CNTLN: variants seen among roughly 807,000 people sequenced by gnomAD.
The protein encoded by CNTLN is centlein.
Under a neutral mutation model 180.0 loss-of-function variants are expected in CNTLN, and 212 were observed. The observed-to-expected ratio is 1.18, with a 90% confidence interval of 1.05 to 1.32. CNTLN has a LOEUF of 1.32. CNTLN is among the 40% of genes most tolerant of loss of function. The probability of loss-of-function intolerance (pLI) is 0.00; values close to 1 mark genes in which losing one functional copy is unlikely to be tolerated. For synonymous variants in CNTLN, 722 were observed against 563.1 expected, an observed-to-expected ratio of 1.28 and a Z score of -3.99; for missense variants, 2,095 against 1,610.9, an observed-to-expected ratio of 1.30 and a Z score of -5.14.
In CNTLN at chr9:17,498,595, C is replaced by T. The variant is rs557114358; in HGVS notation, c.4120-3956C>T. 3.3e-5 allele frequency among the ~76,000 whole-genome samples: 5 copies of T among 152,250 alleles called. No homozygotes were observed. In the South Asian group the frequency reaches 6.2e-4, roughly 19 times the overall value. ...AGATATCCCCGTTAAATTTCTATGC[C>T]AAGAAATTTCACTCAGTATGAAATC... On this transcript the variant is annotated intron_variant, in intron 25 of 25. Transcript: ENST00000380647.
At position 17,487,401 on chromosome 9, in the gene CNTLN, G is replaced by C. The variant is rs1006121424; in HGVS notation, c.4119+335G>C. On this transcript the variant is annotated intron_variant, in intron 25 of 25. Transcript: ENST00000380647. ...TCTTTATTATGTGTCTTTAAAGTTAGTATTTGATATGGACACCTGAGGAGT... is the reference window on the plus strand; with the variant it reads ...TCTTTATTATGTGTCTTTAAAGTTACTATTTGATATGGACACCTGAGGAGT... Among the ~76,000 whole-genome samples the C allele has an allele frequency of 6.6e-5, 10 of 152,078 alleles. No homozygotes were observed. In the East Asian group the frequency reaches 1.9e-3, roughly 29 times the overall value.
intron 18 of CNTLN, among the ~76,000 whole-genome samples, chr9:17,439,961 G>T (rs536091922): frequency 2.6e-5 from 4 of 152,142 alleles, no homozygotes; most frequent in Non-Finnish European, 5.9e-5. Context: ...TGCAGTCTAT[G>T]ATAATTTATT....
chr9:17,146,677 C>T (rs1411759841), intron 2 of CNTLN, among the ~76,000 whole-genome samples: 1 of 152,162 alleles, frequency 6.6e-6, no homozygotes, highest in East Asian at 1.9e-4. Context: ...CAATACATTT[C>T]TGTTGTTTAT....
At chr9:17,446,265 C>T (rs921510264) in intron 18 of CNTLN, among the ~76,000 whole-genome samples, 3 of 152,160 alleles carry the variant, frequency 2.0e-5, no homozygotes, top group Non-Finnish European at 4.4e-5. Context: ...TTTTTCTTTC[C>T]TAAGTCTCTC....
chr9:17,414,445 G>T (rs749446794), intron 16 of CNTLN, among the ~76,000 whole-genome samples: 1 of 152,058 alleles, frequency 6.6e-6, no homozygotes, highest in Non-Finnish European at 1.5e-5. Context: ...ACTTCAATTG[G>T]TAGCTGTAGT....
chr9:17,432,803 T>G (rs370033657), intron 18 of CNTLN, among the ~76,000 whole-genome samples: 1 of 152,100 alleles, frequency 6.6e-6, no homozygotes. Flanking sequence ...GCAGATCACC[T>G]GAGGTCATGA....
At chr9:17,527,620 A>G in the CNTLN span, among the ~76,000 whole-genome samples, 2 of 152,080 alleles carry the variant, frequency 1.3e-5, no homozygotes, top group African/African-American at 4.8e-5. Context: ...TGTGGTAAAG[A>G]ATTAGAGTTG....
intron 5 of CNTLN, among the ~76,000 whole-genome samples, chr9:17,252,724 A>T (rs140210352): frequency 6.6e-6 from 1 of 151,556 alleles, no homozygotes; most frequent in African/African-American, 2.4e-5. Flanking sequence ...TGTAGGCTGA[A>T]TTTCAACCTA....
In CNTLN at chr9:17,342,404, G is replaced by A. The variant is rs866700660; in HGVS notation, c.1846G>A (p.Ala616Thr). ...EDSDAVWNEL[A>T]YFKRENQELM... The stretch of plus-strand genomic sequence containing the variant: ...TTCTGACGCTGTGTGGAATGAACTG[G>A]CATATTTCAAAAGGGAAAACCAGGA... The change falls in exon 12 of 26, where the codon GCA becomes ACA. Residue 616 changes from alanine (A) to threonine (T), a missense_variant. By Grantham distance (58) the Ala-to-Thr change is moderately conservative (BLOSUM62 0). Coordinates refer to ENST00000380647, the MANE Select transcript of CNTLN (RefSeq NM_017738.4). 6.2e-7 allele frequency: 1 copy of A among 1,610,540 alleles called. No homozygotes were observed. Among genetic ancestry groups the A allele is most frequent in the Non-Finnish European group, 8.5e-7 (1 of 1,178,722 alleles).
At chr9:17,159,325 G>C (rs914022971) in intron 2 of CNTLN, among the ~76,000 whole-genome samples, 5 of 152,102 alleles carry the variant, frequency 3.3e-5, no homozygotes, top group African/African-American at 9.7e-5. Context: ...TTCCTTTCAA[G>C]CAAAGTCTCT....
At chr9:17,402,308 A>G (rs762064868) in intron 15 of CNTLN, among the ~76,000 whole-genome samples, 1 of 151,864 alleles carries the variant, frequency 6.6e-6, no homozygotes, top group Non-Finnish European at 1.5e-5. Flanking sequence ...AACCCAAAAT[A>G]TGAACAGGTA....
chr9:17,271,778 C>T (rs980727762), intron 5 of CNTLN, among the ~76,000 whole-genome samples: 6 of 152,082 alleles, frequency 3.9e-5, no homozygotes, highest in Non-Finnish European at 8.8e-5. Flanking sequence ...AAATTTGACT[C>T]TTCATCACCT....
intron 14 of CNTLN, among the ~76,000 whole-genome samples, chr9:17,390,281 C>T (rs566653873): frequency 1.6e-5 from 2 of 122,278 alleles, no homozygotes; most frequent in South Asian, 5.6e-4. Flanking sequence ...GCTCTGTCAC[C>T]CAGGCTGGAG....
the CNTLN span, among the ~76,000 whole-genome samples, chr9:17,511,683 C>A: frequency 4.0e-5 from 6 of 151,818 alleles, no homozygotes; most frequent in Non-Finnish European, 5.9e-5. Context: ...CACACGTGCA[C>A]ACCCACACAC....
At chr9:17,413,678 A>T (rs147267136) in intron 16 of CNTLN, among the ~76,000 whole-genome samples, 1 of 152,186 alleles carries the variant, frequency 6.6e-6, no homozygotes, top group Admixed American at 6.5e-5. Context: ...CAACTTCACT[A>T]TTAGGAAACA....
chr9:17,452,828 C>A (rs1830862779), intron 18 of CNTLN, among the ~76,000 whole-genome samples: 1 of 151,966 alleles, frequency 6.6e-6, no homozygotes, highest in Non-Finnish European at 1.5e-5. Context: ...GAAAATAGGC[C>A]AGGGGTGACT....
In CNTLN at chr9:17,240,225, C is replaced by T. The variant is rs890013595; in HGVS notation, c.849+3637C>T. Among the ~76,000 whole-genome samples the T allele has an allele frequency of 2.6e-5, 4 of 151,970 alleles. No homozygotes were observed. In the East Asian group the frequency reaches 5.8e-4, roughly 22 times the overall value. On this transcript the variant is annotated intron_variant, in intron 5 of 25. Transcript: ENST00000380647. ...TTATTATTTTTGATGCTATTGTAATCGGAACTGTTTTAAATTTTCTCTTCA... is the reference window on the plus strand; with the variant it reads ...TTATTATTTTTGATGCTATTGTAATTGGAACTGTTTTAAATTTTCTCTTCA...
At chr9:17,154,402 T>G (rs1167810450) in intron 2 of CNTLN, among the ~76,000 whole-genome samples, 1 of 152,254 alleles carries the variant, frequency 6.6e-6, no homozygotes, top group Non-Finnish European at 1.5e-5. Flanking sequence ...GCCCCTCTTC[T>G]GCAGGTGTGT....
At chr9:17,294,553 C>A (rs1231562358) in intron 6 of CNTLN, among the ~76,000 whole-genome samples, 1 of 150,916 alleles carries the variant, frequency 6.6e-6, no homozygotes, top group African/African-American at 2.4e-5. Context: ...GGTGTGTTTA[C>A]AATCCCTTAG....
Sources: allele counts gnomAD v4.1 joint callset (sites outside exome capture counted in the v4.1 genomes callset), GRCh38; gene constraint gnomAD v4.1.1; transcripts MANE v1.5; gene names NCBI Gene and HGNC (gene_info 2026-07-23, HGNC 2026-07-21).